The following MGMT variants were observed in gnomAD, a reference collection of about 807,000 sequenced individuals.
MGMT encodes the protein O-6-methylguanine-DNA methyltransferase.
A neutral mutation model predicts 15.9 loss-of-function variants in MGMT; 14 were observed. The observed-to-expected ratio is 0.88, with a 90% CI of 0.58 to 1.37. The LOEUF is 1.37. MGMT is among the 40% of genes most tolerant of loss of function. The pLI, the probability that MGMT is intolerant of heterozygous loss-of-function variation, is 0.00. For missense variants in MGMT, 282 were observed against 268.1 expected (o/e 1.05, Z -0.36); for synonymous variants, 130 against 118.2 (o/e 1.10, Z -0.65).
In MGMT at chr10:129,703,674, C is replaced by CG. The variant is rs970542757; in HGVS notation, c.126-4214dup. On this transcript the variant is annotated intron_variant, in intron 2 of 4. Coordinates refer to ENST00000651593, the MANE Select transcript of MGMT (RefSeq NM_002412.5). ...CCCCTGTGCTCCACTCCATCCTCGCCGGGGGGGCACCTTTGCTTCGGAGCC... is the reference window on the plus strand; with the variant it reads ...CCCCTGTGCTCCACTCCATCCTCGCCGGGGGGGGCACCTTTGCTTCGGAGCC... 2.0e-4 allele frequency among the ~76,000 whole-genome samples: 30 copies of CG among 149,970 alleles called. 1 individual carries two copies. Among genetic ancestry groups the CG allele is most frequent in the East Asian group, 7.9e-4 (4 of 5,094 alleles).
At chr10:129,526,598 G>A (rs1289003747) in intron 1 of MGMT, among the ~76,000 whole-genome samples, 3 of 152,148 alleles carry the variant, frequency 2.0e-5, no homozygotes, top group Admixed American at 6.5e-5. Flanking sequence ...GGACTCAGGC[G>A]ATTCTCCCAC....
At chr10:129,470,530 T>G (rs1845218541) in intron 1 of MGMT, among the ~76,000 whole-genome samples, 1 of 152,238 alleles carries the variant, frequency 6.6e-6, no homozygotes, top group African/African-American at 2.4e-5. Flanking sequence ...AAATCATTTT[T>G]GTGACTTTGT....
chr10:129,741,587 G>A (rs1182549164), intron 3 of MGMT, among the ~76,000 whole-genome samples: 1 of 152,196 alleles, frequency 6.6e-6, no homozygotes, highest in East Asian at 1.9e-4. Flanking sequence ...AGACATCAGT[G>A]TCTCCATTTT....
intron 2 of MGMT, among the ~76,000 whole-genome samples, chr10:129,595,226 G>A (rs1382837615): frequency 6.6e-6 from 1 of 152,182 alleles, no homozygotes; most frequent in Admixed American, 6.5e-5. Flanking sequence ...TGCAGCCATG[G>A]TGCCTTTGAG....
intron 2 of MGMT, among the ~76,000 whole-genome samples, chr10:129,653,593 CCTGATGGTGGCCCTTGA>C (rs1444580967): frequency 6.6e-6 from 1 of 152,240 alleles, no homozygotes; most frequent in Admixed American, 6.5e-5. Flanking sequence ...ACGTGGCCTC[CCTGATGGTGGCCCTTGA>C]CTGTGGTCAG....
chr10:129,601,596 G>A (rs780056619), intron 2 of MGMT, among the ~76,000 whole-genome samples: 4 of 152,156 alleles, frequency 2.6e-5, no homozygotes, highest in Non-Finnish European at 4.4e-5. Context: ...GCACCACCTC[G>A]AGATCGATTC....
chr10:129,563,151 C>T (rs916473337), intron 2 of MGMT, among the ~76,000 whole-genome samples: 1 of 152,190 alleles, frequency 6.6e-6, no homozygotes, highest in African/African-American at 2.4e-5. Flanking sequence ...AATGTGTTTT[C>T]AGGGTCGATG....
At chr10:129,614,113 A>G (rs1846993154) in intron 2 of MGMT, among the ~76,000 whole-genome samples, 1 of 151,934 alleles carries the variant, frequency 6.6e-6, no homozygotes, top group Admixed American at 6.6e-5. Context: ...CCCCTTCCCC[A>G]GCCCTGGCAC....
At chr10:129,536,067 T>G (rs1426386236) in intron 1 of MGMT, among the ~76,000 whole-genome samples, 174 bp from the exon 2 acceptor site, 1 of 152,206 alleles carries the variant, frequency 6.6e-6, no homozygotes, top group Non-Finnish European at 1.5e-5. Flanking sequence ...ATGGTGGTAA[T>G]TTTCTGTCTT....
rs74160247 is a variant in MGMT, at chr10:129,634,802, C to A, written c.126-73093C>A. ...TTAACATCTGAGTTAGTTTTAGGTC[C>A]ATTTCAATTGACTGGTGTATTTCTT... On this transcript the variant is annotated intron_variant, in intron 2 of 4. Coordinates refer to ENST00000651593, the MANE Select transcript of MGMT (RefSeq NM_002412.5). 9.7e-3 allele frequency among the ~76,000 whole-genome samples: 1,483 copies of A among 152,208 alleles called. 28 individuals carry two copies. Among genetic ancestry groups the A allele is most frequent in the African/African-American group, 0.034 (1,399 of 41,514 alleles).
intron 2 of MGMT, among the ~76,000 whole-genome samples, chr10:129,561,458 G>A (rs1564852556): frequency 6.6e-6 from 1 of 152,194 alleles, no homozygotes; most frequent in South Asian, 2.1e-4. Context: ...ACCGTTGTCT[G>A]TGGCCACACT....
chr10:129,706,712 A>G (rs1425548682), intron 2 of MGMT, among the ~76,000 whole-genome samples: 1 of 152,110 alleles, frequency 6.6e-6, no homozygotes, highest in Non-Finnish European at 1.5e-5. Context: ...TGAAATCACA[A>G]CGGGATGTGT....
intron 2 of MGMT, among the ~76,000 whole-genome samples, chr10:129,550,787 A>T (rs770647121): frequency 6.6e-6 from 1 of 152,074 alleles, no homozygotes; most frequent in Non-Finnish European, 1.5e-5. Flanking sequence ...TGAAACCCGT[A>T]CCCATTAAAC....
chr10:129,557,822 A>C (rs1234693120), intron 2 of MGMT, among the ~76,000 whole-genome samples: 1 of 152,208 alleles, frequency 6.6e-6, no homozygotes, highest in East Asian at 1.9e-4. Context: ...GTTTGTAGTC[A>C]ACTTTTTGAA....
At chr10:129,569,494 T>C (rs1846393183) in intron 2 of MGMT, among the ~76,000 whole-genome samples, 1 of 152,166 alleles carries the variant, frequency 6.6e-6, no homozygotes. Context: ...TCAGAGCCCC[T>C]TCCTCCCGAC....
intron 2 of MGMT, among the ~76,000 whole-genome samples, chr10:129,705,111 T>G (rs1848145309): frequency 6.6e-6 from 1 of 152,232 alleles, no homozygotes; most frequent in Non-Finnish European, 1.5e-5. Context: ...GGTCATGGTG[T>G]CACCACGCAC....
At position 129,555,317 on chromosome 10, in the gene MGMT, C is replaced by T. The variant is rs1846200940; in HGVS notation, c.125+18940C>T. On this transcript the variant is annotated intron_variant, in intron 2 of 4. Coordinates refer to ENST00000651593, the MANE Select transcript of MGMT (RefSeq NM_002412.5). ...CCCGAGCGCTGTTCTCCTTCCGTGC[C>T]GTGCTGTCTGCTGTGAGTCCTGGAG... 2.0e-5 allele frequency among the ~76,000 whole-genome samples: 3 copies of T among 152,202 alleles called. No homozygotes were observed. In the South Asian group the frequency reaches 6.2e-4, roughly 31 times the overall value.
intron 1 of MGMT, among the ~76,000 whole-genome samples, chr10:129,472,963 C>T (rs1006794594): frequency 7.2e-5 from 11 of 152,210 alleles, no homozygotes; most frequent in Non-Finnish European, 4.4e-5. Flanking sequence ...ACATTCTCGA[C>T]GTGGCAGCAT....
intron 2 of MGMT, among the ~76,000 whole-genome samples, chr10:129,647,208 C>G (rs550775532): frequency 6.6e-6 from 1 of 152,290 alleles, no homozygotes; most frequent in Admixed American, 6.5e-5. Context: ...GGTGGTCGCT[C>G]TCATTAGCTC....
Sources: gnomAD v4.1 joint callset for allele counts (sites outside exome capture counted in the v4.1 genomes callset) on GRCh38, gnomAD v4.1.1 for gene constraint, MANE v1.5 for transcripts, NCBI Gene and HGNC (gene_info 2026-07-23, HGNC 2026-07-21) for gene names.